The following UNC13C variants were observed in gnomAD, a reference collection of about 807,000 sequenced individuals.
The protein encoded by UNC13C is unc-13 homolog C.
Under a neutral mutation model 245.4 loss-of-function variants are expected in UNC13C, and 174 were observed. The observed-to-expected ratio is 0.71, with a 90% CI of 0.63 to 0.80. The LOEUF is 0.80. Ranked by LOEUF, UNC13C falls within the 30% of genes least tolerant of loss-of-function variation. UNC13C has a pLI of 0.00. For missense variants in UNC13C, 2,829 were observed against 2,602.9 expected (o/e 1.09, Z -1.89); for synonymous variants, 992 against 895.1 (o/e 1.11, Z -1.93).
At chr15:54,462,722 G>A (rs562803686) in intron 19 of UNC13C, among the ~76,000 whole-genome samples, 33 of 152,232 alleles carry the variant, frequency 2.2e-4, no homozygotes, top group Admixed American at 2.1e-3. Flanking sequence ...AGCCCGCCAT[G>A]CCTGAGCCCC....
the UNC13C span, among the ~76,000 whole-genome samples, chr15:53,908,353 T>C: frequency 6.8e-6 from 1 of 146,500 alleles, no homozygotes; most frequent in Admixed American, 7.1e-5. Flanking sequence ...CAAGTTCACA[T>C]ACACTCTTAG....
At chr15:54,464,555 G>A (rs1411940781) in intron 19 of UNC13C, among the ~76,000 whole-genome samples, 1 of 152,054 alleles carries the variant, frequency 6.6e-6, no homozygotes, top group African/African-American at 2.4e-5. Flanking sequence ...TTGTATATGA[G>A]TTAAATGTAT....
intron 7 of UNC13C, among the ~76,000 whole-genome samples, chr15:54,242,381 T>G (rs1236346923): frequency 6.6e-6 from 1 of 152,156 alleles, no homozygotes; most frequent in Non-Finnish European, 1.5e-5. Flanking sequence ...AATTTATATT[T>G]TTTCAGCAAG....
chr15:53,972,014 T>C, the UNC13C span, among the ~76,000 whole-genome samples: 1 of 152,232 alleles, frequency 6.6e-6, no homozygotes, highest in Non-Finnish European at 1.5e-5. Context: ...TAAATGACTA[T>C]GGGTTCATTG....
At chr15:54,194,763 C>A (rs767053364) in intron 4 of UNC13C, among the ~76,000 whole-genome samples, 14 of 152,044 alleles carry the variant, frequency 9.2e-5, no homozygotes, top group Admixed American at 3.3e-4. Flanking sequence ...CACAGATCAG[C>A]CAGACAGACA....
the UNC13C span, among the ~76,000 whole-genome samples, chr15:53,920,801 G>A: frequency 1.3e-5 from 2 of 149,978 alleles, no homozygotes; most frequent in East Asian, 1.9e-4. Flanking sequence ...CCTGAGGGTA[G>A]AACAGTGACC....
At position 53,990,308 on chromosome 15, in the gene UNC13C, TA is replaced by T. The variant is rs540961007; in HGVS notation, c.-257+11382del. Among the ~76,000 whole-genome samples the T allele has an allele frequency of 1.7e-3, 255 of 152,076 alleles. 2 individuals carry two copies. The highest frequency in any genetic ancestry group is 6.0e-3 in the African/African-American group (249 of 41,528). On this transcript the variant is annotated intron_variant, in intron 1 of 32. Coordinates refer to ENST00000260323, the MANE Select transcript of UNC13C (RefSeq NM_001080534.3). The stretch of plus-strand genomic sequence containing the variant: ...ATGGGATCATCGATGAAGAAGAGAT[TA>T]TGAGTGAAAAATGAATACAGAATTA...
chr15:54,627,330 AATATC>A lies in UNC13C; in HGVS notation c.*219_*223del, dbSNP rs1901244397. 1 of 430,042 alleles carries A rather than the reference AATATC, an allele frequency of 2.3e-6. No individual in the cohort carries two copies. Among genetic ancestry groups the A allele is most frequent in the Admixed American group, 3.8e-5 (1 of 25,978 alleles). 26.6% of individuals were successfully genotyped at this position (430,042 alleles called of 1,614,324 possible). On this transcript the variant is annotated 3_prime_UTR_variant, in exon 33 of 33. Coordinates refer to ENST00000260323, the MANE Select transcript of UNC13C (RefSeq NM_001080534.3). ...GTGCCAAAATTATGATGTAAAGTGA[AATATC>A]AAGAACACCTTTTAACATGTTTATT... is the stretch of plus-strand genomic sequence containing the variant.
At chr15:54,079,166 C>T (rs1898799030) in intron 2 of UNC13C, among the ~76,000 whole-genome samples, 1 of 152,012 alleles carries the variant, frequency 6.6e-6, no homozygotes, top group Non-Finnish European at 1.5e-5. Flanking sequence ...TTCCATTGAT[C>T]TATGTGTGTA....
At chr15:53,841,975 TTA>T in the UNC13C span, among the ~76,000 whole-genome samples, 1 of 152,200 alleles carries the variant, frequency 6.6e-6, no homozygotes, top group Non-Finnish European at 1.5e-5. Context: ...TCTTTATATG[TTA>T]AAGCAAGTGT....
the UNC13C span, among the ~76,000 whole-genome samples, chr15:53,841,451 C>T: frequency 3.9e-5 from 6 of 152,094 alleles, no homozygotes; most frequent in Non-Finnish European, 8.8e-5. Context: ...TGCACTTTTA[C>T]TGAATATCTT....
intron 17 of UNC13C, among the ~76,000 whole-genome samples, chr15:54,382,798 A>G (rs1039716030): frequency 6.6e-6 from 1 of 152,072 alleles, no homozygotes; most frequent in African/African-American, 2.4e-5. Flanking sequence ...ATAAACTGAT[A>G]ACTAGACTAC....
At chr15:53,875,713 A>C in the UNC13C span, among the ~76,000 whole-genome samples, 1 of 152,190 alleles carries the variant, frequency 6.6e-6, no homozygotes, top group Non-Finnish European at 1.5e-5. Context: ...ACATGTAGTT[A>C]TAATATAATT....
At chr15:54,501,054 A>C (rs1894189605) in intron 22 of UNC13C, 76 bp downstream of exon 22, 1 of 1,477,464 alleles carries the variant, frequency 6.8e-7, no homozygotes, top group Non-Finnish European at 9.2e-7. Context: ...TTGTGGTGTT[A>C]GTCTTCTCTG....
intron 7 of UNC13C, among the ~76,000 whole-genome samples, chr15:54,239,226 C>G (rs181826182): frequency 6.6e-6 from 1 of 151,904 alleles, no homozygotes; most frequent in East Asian, 1.9e-4. Context: ...TTTCTCATTC[C>G]CTTCCTTCTT....
At chr15:54,018,813 T>C (rs1895773104) in intron 2 of UNC13C, among the ~76,000 whole-genome samples, 1 of 152,014 alleles carries the variant, frequency 6.6e-6, no homozygotes, top group Admixed American at 6.6e-5. Flanking sequence ...CAAGTTGTCT[T>C]TTTTTTTAAT....
At chr15:54,312,124 G>C (rs2037889961) in intron 13 of UNC13C, among the ~76,000 whole-genome samples, 2 of 151,686 alleles carry the variant, frequency 1.3e-5, no homozygotes, top group African/African-American at 4.8e-5. Flanking sequence ...GCCAACCAGA[G>C]ATAACACTAT....
intron 13 of UNC13C, among the ~76,000 whole-genome samples, chr15:54,314,261 T>A (rs181170246): frequency 2.0e-5 from 3 of 151,786 alleles, no homozygotes; most frequent in African/African-American, 7.2e-5. Context: ...TAACAATGTG[T>A]TGTATTCTTG....
At chr15:54,613,208 AATAAT>A (rs941027673) in intron 30 of UNC13C, among the ~76,000 whole-genome samples, 2 of 151,916 alleles carry the variant, frequency 1.3e-5, no homozygotes, top group Non-Finnish European at 2.9e-5. Context: ...TCCTGTTTAA[AATAAT>A]AAAACAGTAT....
Sources: allele counts gnomAD v4.1 joint callset (sites outside exome capture counted in the v4.1 genomes callset), GRCh38; gene constraint gnomAD v4.1.1; transcripts MANE v1.5; gene names NCBI Gene and HGNC (gene_info 2026-07-23, HGNC 2026-07-21).